The following CMIP variants were observed in gnomAD, a reference collection of about 807,000 sequenced individuals.
CMIP encodes c-Maf inducing protein.
Under a neutral mutation model 97.3 loss-of-function variants are expected in CMIP, and 13 were observed. The observed-to-expected ratio is 0.13, with a 90% CI of 0.09 to 0.21. The LOEUF is 0.21. Ranked by LOEUF, CMIP falls within the 10% of genes least tolerant of loss-of-function variation. The pLI, the probability that CMIP is intolerant of heterozygous loss-of-function variation, is 1.00. For missense variants in CMIP, 847 were observed against 1,024.9 expected (o/e 0.83, Z 2.37); for synonymous variants, 538 against 436.3 (o/e 1.23, Z -2.91).
Position 81,652,476 on chromosome 16 carries a change from C to T in CMIP, c.639+112C>T. 1.0e-6 allele frequency: 1 copy of T among 965,092 alleles called. No homozygotes were observed. Among genetic ancestry groups the T allele is most frequent in the Admixed American group, 2.5e-5 (1 of 39,608 alleles). 59.8% of individuals were successfully genotyped at this position (965,092 alleles called of 1,614,324 possible). ...GAGCTCCGTGTGGGCTGTGTTGTTGCCCTGCTGCCGAAGGAGGTGAGCAGT... is the reference window on the plus strand; with the variant it reads ...GAGCTCCGTGTGGGCTGTGTTGTTGTCCTGCTGCCGAAGGAGGTGAGCAGT... On this transcript the variant is annotated intron_variant, in intron 4 of 20. Coordinates refer to ENST00000537098, the MANE Select transcript of CMIP (RefSeq NM_198390.3). This position sits in a 1 kb window ranked among gnomAD's most constrained non-coding sequence, Gnocchi z 5.2.
At chr16:81,701,949 C>T (rs1406724910) in intron 16 of CMIP, 149 bp downstream of exon 16, 4 of 929,916 alleles carry the variant, frequency 4.3e-6, no homozygotes, top group Non-Finnish European at 6.5e-6. Flanking sequence ...TTACCACCTG[C>T]CACTTTTCAG....
At chr16:81,681,149 A>G (rs1308099430) in intron 10 of CMIP, among the ~76,000 whole-genome samples, 1 of 152,166 alleles carries the variant, frequency 6.6e-6, no homozygotes, top group East Asian at 1.9e-4. Context: ...CCTATCCCCA[A>G]GCCCTCCACA....
chr16:81,497,012 G>A (rs561556505), intron 1 of CMIP, among the ~76,000 whole-genome samples: 1 of 152,246 alleles, frequency 6.6e-6, no homozygotes, highest in Non-Finnish European at 1.5e-5. Context: ...ATGCCCTGAT[G>A]CTGGGCCTCG....
chr16:81,623,515 A>G (rs139783558), intron 3 of CMIP, among the ~76,000 whole-genome samples: 1 of 152,306 alleles, frequency 6.6e-6, no homozygotes, highest in African/African-American at 2.4e-5. Context: ...TGCTTCAGAC[A>G]CAGTGTTTCT....
intron 1 of CMIP, among the ~76,000 whole-genome samples, chr16:81,593,499 G>A (rs1409785830): frequency 6.6e-6 from 1 of 152,188 alleles, no homozygotes; most frequent in Non-Finnish European, 1.5e-5. Context: ...GAGCTGGTCG[G>A]TCACCCCATG....
At chr16:81,626,192 TGA>T (rs1056517071) in intron 3 of CMIP, among the ~76,000 whole-genome samples, 1 of 150,272 alleles carries the variant, frequency 6.7e-6, no homozygotes, top group African/African-American at 2.4e-5. Context: ...GTGGGGTGTG[TGA>T]GTGTGAGAGT....
chr16:81,661,015 G>C lies in CMIP; in HGVS notation c.744+69G>C. On this transcript the variant is annotated intron_variant, in intron 6 of 20. Coordinates refer to ENST00000537098, the MANE Select transcript of CMIP (RefSeq NM_198390.3). ...TCCCTCTGTGCGCATACCAGGGATT[G>C]GGTTTGCACAGAAAGGCCAAAAACC... is the stretch of plus-strand genomic sequence containing the variant. 2.5e-6 allele frequency: 4 copies of C among 1,598,246 alleles called. No homozygotes were observed. In the South Asian group the frequency reaches 3.3e-5, roughly 13 times the overall value.
intron 1 of CMIP, among the ~76,000 whole-genome samples, chr16:81,499,979 T>C (rs1451618168): frequency 6.6e-6 from 1 of 152,230 alleles, no homozygotes; most frequent in African/African-American, 2.4e-5. Context: ...CTGCTTTGCT[T>C]GGGCTGCTGA....
At chr16:81,459,167 A>G (rs1271934605) in intron 1 of CMIP, among the ~76,000 whole-genome samples, 5 of 152,176 alleles carry the variant, frequency 3.3e-5, no homozygotes, top group Non-Finnish European at 7.3e-5. Flanking sequence ...TGTGAGCTTG[A>G]AGGCAGGGTT....
At chr16:81,477,922 G>C (rs756300073) in intron 1 of CMIP, among the ~76,000 whole-genome samples, 2 of 152,250 alleles carry the variant, frequency 1.3e-5, no homozygotes, top group Non-Finnish European at 2.9e-5. Flanking sequence ...CTTCTGCCCT[G>C]TTAAGGTGAC....
intron 4 of CMIP, among the ~76,000 whole-genome samples, chr16:81,657,334 A>T (rs2092494896): frequency 6.6e-6 from 1 of 152,228 alleles, no homozygotes; most frequent in Admixed American, 6.5e-5. Context: ...TACTCCTAAA[A>T]GGCTGCCTGG....
rs1282122044 is a variant in CMIP at position 81,614,931 on chromosome 16, T to C, written c.427-5945T>C. ...ATATGTGGTGTGCATAGTGTGTATC[T>C]CTGTGTGTGGTGTGTGCATGTGTGT... On this transcript the variant is annotated intron_variant, in intron 2 of 20. Transcript: ENST00000537098. This position sits in a 1 kb window ranked among gnomAD's most constrained non-coding sequence, Gnocchi z 5.3. 6.6e-6 allele frequency among the ~76,000 whole-genome samples: 1 copy of C among 151,410 alleles called. No individual in the cohort carries two copies. The highest frequency in any genetic ancestry group is 2.4e-5 in the African/African-American group (1 of 41,120).
At chr16:81,606,309 T>C (rs145468060) in intron 1 of CMIP, among the ~76,000 whole-genome samples, 19 of 152,244 alleles carry the variant, frequency 1.2e-4, no homozygotes, top group Non-Finnish European at 2.1e-4. Flanking sequence ...ACAAGACCTG[T>C]GTGAGGATTA....
intron 10 of CMIP, among the ~76,000 whole-genome samples, chr16:81,689,186 C>G (rs1406805959): frequency 6.6e-6 from 1 of 152,226 alleles, no homozygotes; most frequent in Non-Finnish European, 1.5e-5. Context: ...AATGGGATGG[C>G]TGGGTCAAAT....
intron 5 of CMIP, 95 bp from the exon 6 acceptor site, chr16:81,660,789 A>G: frequency 2.2e-6 from 3 of 1,356,648 alleles, no homozygotes; most frequent in Non-Finnish European, 3.2e-6. Context: ...CTCTGCATTT[A>G]TTTTTTTCAC....
chr16:81,691,699 C>A, intron 10 of CMIP, 76 bp from the exon 11 acceptor site: 1 of 1,235,286 alleles, frequency 8.1e-7, no homozygotes, highest in Non-Finnish European at 1.2e-6. Flanking sequence ...ATCTTTTGGC[C>A]CATCTGGGAC....
rs540580059 is a variant in CMIP, at chr16:81,544,285, C to G, written c.301-63282C>G. On this transcript the variant is annotated intron_variant, in intron 1 of 20. Coordinates refer to ENST00000537098, the MANE Select transcript of CMIP (RefSeq NM_198390.3). ...GGTGGCTTCAGCTCTCAAATGAGACCGAGGCTGGAGGGTCATGCAAGTGAA... is the reference window on the plus strand; with the variant it reads ...GGTGGCTTCAGCTCTCAAATGAGACGGAGGCTGGAGGGTCATGCAAGTGAA... Among the ~76,000 whole-genome samples, 17 of 152,244 alleles carry G rather than the reference C, an allele frequency of 1.1e-4. 1 individual carries two copies. The highest frequency in any genetic ancestry group is 8.5e-4 in the Admixed American group (13 of 15,298).
chr16:81,573,050 A>T (rs2091123794), intron 1 of CMIP, among the ~76,000 whole-genome samples: 1 of 152,238 alleles, frequency 6.6e-6, no homozygotes. Flanking sequence ...ACATTACAAA[A>T]ATGCACCTTT....
chr16:81,444,960 CT>C lies in CMIP; in HGVS notation c.-281del, dbSNP rs1159395806. Among the ~76,000 whole-genome samples, 1 of 142,932 alleles carries C rather than the reference CT, an allele frequency of 7.0e-6. No individual in the cohort carries two copies. Among genetic ancestry groups the C allele is most frequent in the African/African-American group, 2.5e-5 (1 of 39,704 alleles). 93.8% of individuals were successfully genotyped at this position (142,932 alleles called of 152,430 possible). On this transcript the variant is annotated 5_prime_UTR_variant, in exon 1 of 21. Transcript: ENST00000537098. Reference sequence around the variant, plus strand: ...GGCCCGCCCTCGGCCTCCCCCGCCCCTCCCCGTCGCCCGCCGAGCCCGGTCA... The same window carrying C: ...GGCCCGCCCTCGGCCTCCCCCGCCCCCCCCGTCGCCCGCCGAGCCCGGTCA...
Sources: allele counts gnomAD v4.1 joint callset (sites outside exome capture counted in the v4.1 genomes callset), GRCh38; gene constraint gnomAD v4.1.1; non-coding constraint Gnocchi (gnomAD v3.1); transcripts MANE v1.5; gene names NCBI Gene and HGNC (gene_info 2026-07-23, HGNC 2026-07-21).